Variants in SLC39A11 observed in about 807,000 individuals in gnomAD.
SLC39A11 encodes the protein solute carrier family 39 member 11.
SLC39A11 carries 33 observed loss-of-function variants against 36.1 expected under a neutral mutation model. The ratio of observed to expected loss-of-function variants is 0.91; its 90% CI spans 0.69 to 1.22. The LOEUF (loss-of-function observed/expected upper bound fraction) is 1.22. Ranked by LOEUF, SLC39A11 falls within the 50% of genes most tolerant of loss-of-function variation. The probability of loss-of-function intolerance (pLI) is 0.00; values close to 1 mark genes in which losing one functional copy is unlikely to be tolerated. For synonymous variants in SLC39A11, 166 were observed against 170.3 expected (o/e 0.97, Z 0.20); for missense variants, 432 against 430.3 (o/e 1.00, Z -0.03).
At chr17:72,875,917 C>G (rs2080878169) in intron 5 of SLC39A11, among the ~76,000 whole-genome samples, 1 of 152,190 alleles carries the variant, frequency 6.6e-6, no homozygotes, top group South Asian at 2.1e-4. Flanking sequence ...GCCATGGCAA[C>G]ATCCTGGAGC....
intron 4 of SLC39A11, among the ~76,000 whole-genome samples, chr17:72,993,169 T>C (rs1239342787): frequency 6.6e-6 from 1 of 151,982 alleles, no homozygotes; most frequent in Non-Finnish European, 1.5e-5. Flanking sequence ...ATATCGGGGG[T>C]GCTGACTCAG....
chr17:72,871,056 GTT>G (rs34776144), intron 5 of SLC39A11, among the ~76,000 whole-genome samples: 106 of 124,284 alleles, frequency 8.5e-4, no homozygotes, highest in South Asian at 1.0e-3. Context: ...TTTTGTTTTT[GTT>G]TTTTTTTTTT....
chr17:72,802,789 C>T (rs919013717), intron 6 of SLC39A11, among the ~76,000 whole-genome samples: 2 of 151,958 alleles, frequency 1.3e-5, no homozygotes, highest in South Asian at 2.1e-4. Context: ...TAGGTGCCCT[C>T]GAGGAAGCCA....
intron 7 of SLC39A11, among the ~76,000 whole-genome samples, chr17:72,734,718 G>A (rs1221993211): frequency 6.6e-6 from 1 of 152,232 alleles, no homozygotes; most frequent in Non-Finnish European, 1.5e-5. Context: ...ATGTCGCGGG[G>A]GACGTGGTGC....
chr17:72,919,235 G>A (rs1598413592), intron 5 of SLC39A11, among the ~76,000 whole-genome samples: 1 of 151,850 alleles, frequency 6.6e-6, no homozygotes, highest in Non-Finnish European at 1.5e-5. Flanking sequence ...TGTGCCGAAA[G>A]ACAGTCTCTG....
intron 6 of SLC39A11, among the ~76,000 whole-genome samples, chr17:72,752,930 AC>A (rs1381977964): frequency 7.2e-5 from 11 of 152,100 alleles, no homozygotes; most frequent in African/African-American, 2.7e-4. Flanking sequence ...ATCATGGCTC[AC>A]TGCAGCCTTG....
intron 3 of SLC39A11, among the ~76,000 whole-genome samples, chr17:73,046,821 G>A (rs568264191): frequency 9.8e-4 from 149 of 152,092 alleles, no homozygotes; most frequent in Non-Finnish European, 1.8e-3. Context: ...CATGTCCATA[G>A]TCCCAGCTAC....
Position 72,862,302 on chromosome 17 carries a change from G to A in SLC39A11, c.431-12498C>T, listed in dbSNP as rs562275753. 1.8e-4 allele frequency among the ~76,000 whole-genome samples: 27 copies of A among 152,346 alleles called. No homozygotes were observed. In the South Asian group the frequency reaches 4.1e-3, roughly 23 times the overall value. The stretch of plus-strand genomic sequence containing the variant: ...GACAGACAAAGGCTGACCTGAGGTT[G>A]CGTGGAGCTAACAGAGCCAAGAAAA... On this transcript the variant is annotated intron_variant, in intron 5 of 9. Transcript: ENST00000255559.
chr17:72,989,217 A>G (rs1022153580), intron 4 of SLC39A11, among the ~76,000 whole-genome samples: 1 of 152,236 alleles, frequency 6.6e-6, no homozygotes. Flanking sequence ...AACAACAAAG[A>G]AAACAATTGT....
rs77065454 is a variant in SLC39A11 at position 72,660,261 on chromosome 17, C to T, written c.672-10993G>A. Among the ~76,000 whole-genome samples, 506 of 152,298 alleles carry T rather than the reference C, an allele frequency of 3.3e-3. 4 individuals carry two copies. Among genetic ancestry groups the T allele is most frequent in the African/African-American group, 0.012 (483 of 41,552 alleles). On this transcript the variant is annotated intron_variant, in intron 7 of 9. Transcript: ENST00000255559. ...CAGCTCAAGTCTTTCATTACCGCACCCATCAGAGGCAGCCCGAGGTCCTCC... is the reference window on the plus strand; with the variant it reads ...CAGCTCAAGTCTTTCATTACCGCACTCATCAGAGGCAGCCCGAGGTCCTCC...
Position 72,781,090 on chromosome 17 carries a change from C to T in SLC39A11, c.602-44371G>A, listed in dbSNP as rs144367650. Among the ~76,000 whole-genome samples, 271 of 152,336 alleles carry T rather than the reference C, an allele frequency of 1.8e-3. 4 individuals are homozygous for T. Among genetic ancestry groups the T allele is most frequent in the Middle Eastern group, 6.8e-3 (2 of 294 alleles). ...TAATCCCCAAACTGTCTGGCACCTT[C>T]GGTCTCTCTCCTCTTTCCTGGGCTT... On this transcript the variant is annotated intron_variant, in intron 6 of 9. Transcript: ENST00000255559.
intron 4 of SLC39A11, among the ~76,000 whole-genome samples, chr17:73,016,791 A>G (rs2058183960): frequency 1.3e-5 from 2 of 152,316 alleles, no homozygotes; most frequent in South Asian, 2.1e-4. Context: ...TCACCTTCCC[A>G]TGAGGGTCAG....
intron 3 of SLC39A11, among the ~76,000 whole-genome samples, chr17:73,046,985 T>C (rs1186216281): frequency 6.6e-6 from 1 of 151,498 alleles, no homozygotes; most frequent in Non-Finnish European, 1.5e-5. Context: ...TAATGTAGCC[T>C]AGTAGAAAGA....
chr17:73,067,783 C>G (rs1434320326), intron 3 of SLC39A11: 2 of 1,158,524 alleles, frequency 1.7e-6, no homozygotes, highest in Middle Eastern at 2.8e-4. Context: ...TCTGTTAAGT[C>G]TCTTGCCACA....
intron 5 of SLC39A11, among the ~76,000 whole-genome samples, chr17:72,928,722 A>G (rs1482968822): frequency 6.6e-6 from 1 of 152,218 alleles, no homozygotes; most frequent in African/African-American, 2.4e-5. Flanking sequence ...TACCTCAAGC[A>G]TTAGAGCAAG....
At chr17:72,691,394 T>C (rs1352319893) in intron 7 of SLC39A11, among the ~76,000 whole-genome samples, 5 of 149,142 alleles carry the variant, frequency 3.4e-5, no homozygotes, top group African/African-American at 1.2e-4. Context: ...TTCATGTATA[T>C]AAAAAAAAAA....
intron 5 of SLC39A11, among the ~76,000 whole-genome samples, chr17:72,893,507 A>G (rs1011389768): frequency 4.6e-5 from 7 of 152,208 alleles, no homozygotes; most frequent in Non-Finnish European, 8.8e-5. Flanking sequence ...AGCTCAATAT[A>G]GCAGTGAGTT....
At chr17:72,994,581 T>G (rs2089389667) in intron 4 of SLC39A11, among the ~76,000 whole-genome samples, 1 of 152,182 alleles carries the variant, frequency 6.6e-6, no homozygotes, top group Non-Finnish European at 1.5e-5. Flanking sequence ...TTGTATAAAG[T>G]TTTTTACGTG....
At position 73,062,475 on chromosome 17, in the gene SLC39A11, A is replaced by AAAAAAAAAAAAAAC. The variant is rs56021607; in HGVS notation, c.147+22332_147+22333insGTTTTTTTTTTTTT. 1.4e-3 allele frequency among the ~76,000 whole-genome samples: 118 copies of AAAAAAAAAAAAAAC among 86,940 alleles called. 15 individuals are homozygous for AAAAAAAAAAAAAAC. In the South Asian group the frequency reaches 0.02, roughly 15 times the overall value. 57.0% of individuals were successfully genotyped at this position (86,940 alleles called of 152,430 possible). A position where few individuals can be genotyped will look rare whatever the true frequency, so the allele number is the denominator to read the frequency against. ...AGAGCTTGTCTCAAAAAAAAAAAAA[A>AAAAAAAAAAAAAAC]AAACTTTAGGTGATACACTTCTGCT... On this transcript the variant is annotated intron_variant, in intron 3 of 9. Transcript: ENST00000255559.
Sources: gnomAD v4.1 joint callset for allele counts (sites outside exome capture counted in the v4.1 genomes callset) on GRCh38, gnomAD v4.1.1 for gene constraint, MANE v1.5 for transcripts, NCBI Gene and HGNC (gene_info 2026-07-23, HGNC 2026-07-21) for gene names.